MAN1C1: variants seen among roughly 807,000 people sequenced by gnomAD.
MAN1C1 encodes mannosyl-oligosaccharide 1,2-alpha-mannosidase IC.
Under a neutral mutation model 71.5 loss-of-function variants are expected in MAN1C1, and 49 were observed. The observed-to-expected ratio is 0.69, with a 90% CI of 0.54 to 0.87. The LOEUF (loss-of-function observed/expected upper bound fraction) is 0.87. Among genes scored for constraint, MAN1C1 ranks in the 40% least tolerant of loss-of-function variants. The pLI, the probability that MAN1C1 is intolerant of heterozygous loss-of-function variation, is 0.00. For synonymous variants in MAN1C1, 352 were observed against 343.7 expected (o/e 1.02, Z -0.27); for missense variants, 743 against 835.0 (o/e 0.89, Z 1.36).
At chr1:25,694,130 C>T (rs1319714087) in intron 2 of MAN1C1, among the ~76,000 whole-genome samples, 1 of 152,320 alleles carries the variant, frequency 6.6e-6, no homozygotes, top group Non-Finnish European at 1.5e-5. Flanking sequence ...TCATGTCCTT[C>T]GGCCTGGGTT....
At chr1:25,628,656 A>G (rs1030060186) in intron 1 of MAN1C1, among the ~76,000 whole-genome samples, 2 of 152,168 alleles carry the variant, frequency 1.3e-5, no homozygotes, top group Non-Finnish European at 2.9e-5. Flanking sequence ...CTTTGGTTAC[A>G]TGGATGAATT....
At chr1:25,748,420 C>G (rs2047167305) in intron 3 of MAN1C1, among the ~76,000 whole-genome samples, 3 of 152,304 alleles carry the variant, frequency 2.0e-5, no homozygotes, top group East Asian at 3.9e-4. Flanking sequence ...TGAGGGAACC[C>G]TCTGGGGCAA....
chr1:25,754,206 C>T (rs772743079), intron 5 of MAN1C1, among the ~76,000 whole-genome samples: 2 of 152,188 alleles, frequency 1.3e-5, no homozygotes, highest in Non-Finnish European at 2.9e-5. Context: ...ACAATCCCGA[C>T]GCTAGGAAGG....
chr1:25,651,987 C>T (rs2045699462), intron 1 of MAN1C1, among the ~76,000 whole-genome samples: 1 of 152,208 alleles, frequency 6.6e-6, no homozygotes, highest in African/African-American at 2.4e-5. Flanking sequence ...CTGGCCTGAG[C>T]AGGGATGGTG....
At chr1:25,704,417 C>T (rs986078550) in intron 2 of MAN1C1, among the ~76,000 whole-genome samples, 1 of 152,256 alleles carries the variant, frequency 6.6e-6, no homozygotes, top group African/African-American at 2.4e-5. Flanking sequence ...CAATCCCAGA[C>T]AGCAGGACCA....
chr1:25,760,677 A>G (rs909886610), intron 6 of MAN1C1: 2 of 152,202 alleles, frequency 1.3e-5, no homozygotes, highest in African/African-American at 4.8e-5. Context: ...AAGTGCTGTC[A>G]CCTGGAAAGG....
intron 1 of MAN1C1, among the ~76,000 whole-genome samples, chr1:25,627,823 A>G (rs1220314626): frequency 2.6e-5 from 4 of 151,668 alleles, no homozygotes; most frequent in Non-Finnish European, 5.9e-5. Flanking sequence ...GATTGAGCCC[A>G]GGAGTTCCAG....
At chr1:25,620,467 T>C (rs1233128915) in intron 1 of MAN1C1, among the ~76,000 whole-genome samples, 1 of 152,220 alleles carries the variant, frequency 6.6e-6, no homozygotes, top group Non-Finnish European at 1.5e-5. Context: ...TTGGTTTAGT[T>C]GTTAACAGTT....
chr1:25,648,201 G>A (rs2045642860), intron 1 of MAN1C1, among the ~76,000 whole-genome samples: 1 of 152,234 alleles, frequency 6.6e-6, no homozygotes, highest in African/African-American at 2.4e-5. Flanking sequence ...CCTCCTGGAA[G>A]CATCTGCTCA....
chr1:25,778,165 C>T lies in MAN1C1; in HGVS notation c.1318C>T (p.Arg440Ter). 1.2e-6 allele frequency: 2 copies of T among 1,608,380 alleles called. No individual in the cohort carries two copies. Reference sequence around the variant, plus strand: ...GGGGCTGACCTACATTGCCGAGTGGCGAGGGGGGATTCTGGACCACAAGAT... The same window carrying T: ...GGGGCTGACCTACATTGCCGAGTGGTGAGGGGGGATTCTGGACCACAAGAT... ...PGGLTYIAEW[R>*]GGILDHKMGH... Residue 440 changes from arginine (R) to a stop codon, truncating the protein, a stop_gained, in exon 9 of 12, where the codon CGA becomes TGA. Transcript: ENST00000374332. LOFTEE classifies it high-confidence loss of function. This position sits in a 1 kb window ranked among gnomAD's most constrained non-coding sequence, Gnocchi z 5.5.
chr1:25,708,161 A>C (rs2046551061), intron 2 of MAN1C1, among the ~76,000 whole-genome samples: 1 of 152,244 alleles, frequency 6.6e-6, no homozygotes. Context: ...TGCTTGACTG[A>C]ATATACTTAC....
At chr1:25,731,089 G>A (rs2046902732) in intron 2 of MAN1C1, among the ~76,000 whole-genome samples, 1 of 152,198 alleles carries the variant, frequency 6.6e-6, no homozygotes, top group African/African-American at 2.4e-5. Flanking sequence ...GGTCGAGGTG[G>A]ACAGACCGCC....
rs545316734 is a variant in MAN1C1, at chr1:25,653,589, G to A, written c.541-32851G>A. On this transcript the variant is annotated intron_variant, in intron 1 of 11. Coordinates refer to ENST00000374332, the MANE Select transcript of MAN1C1 (RefSeq NM_020379.4). Reference sequence around the variant, plus strand: ...TTCCCTGATTTTTCTGAATGTTCTCGGACCTAGTAGGTATCAGTGTCCAGG... The same window carrying A: ...TTCCCTGATTTTTCTGAATGTTCTCAGACCTAGTAGGTATCAGTGTCCAGG... Among the ~76,000 whole-genome samples, 18 of 152,250 alleles carry A rather than the reference G, an allele frequency of 1.2e-4. No homozygotes were observed. In the South Asian group the frequency reaches 2.1e-3, roughly 18 times the overall value.
intron 1 of MAN1C1, among the ~76,000 whole-genome samples, chr1:25,666,716 A>T (rs1016251023): frequency 4.6e-5 from 7 of 152,206 alleles, no homozygotes; most frequent in Non-Finnish European, 8.8e-5. Flanking sequence ...TTCCTCCTTT[A>T]TACAAAACAT....
intron 4 of MAN1C1, among the ~76,000 whole-genome samples, chr1:25,750,370 G>A (rs908572876): frequency 6.6e-6 from 1 of 152,166 alleles, no homozygotes; most frequent in African/African-American, 2.4e-5. Context: ...TCATTGGTCA[G>A]TTCTGTTCCC....
intron 2 of MAN1C1, among the ~76,000 whole-genome samples, chr1:25,702,217 A>C (rs1009085952): frequency 3.9e-5 from 6 of 152,100 alleles, no homozygotes; most frequent in Non-Finnish European, 8.8e-5. Context: ...GAACTTGAGC[A>C]CCCAGATGGA....
rs373340623 is a variant in MAN1C1, at chr1:25,753,023, C to T, written c.835-461C>T. Among the ~76,000 whole-genome samples, 3 of 152,308 alleles carry T rather than the reference C, an allele frequency of 2.0e-5. No homozygotes were observed. In the East Asian group the frequency reaches 5.8e-4, roughly 29 times the overall value. On this transcript the variant is annotated intron_variant, in intron 4 of 11. Transcript: ENST00000374332. The surrounding 1 kb of genome is among the most constrained non-coding windows in gnomAD (Gnocchi z 4.9). ...TTCCCATGCCCTCTGCCTGTGGTAT[C>T]GTAGTCCTGCAGTGTGGGCAGGCAT...
intron 1 of MAN1C1, among the ~76,000 whole-genome samples, chr1:25,668,296 A>G (rs1007690124): frequency 6.7e-6 from 1 of 148,174 alleles, no homozygotes; most frequent in African/African-American, 2.5e-5. Context: ...ACTTTCCTTC[A>G]CGGTGCTTGT....
chr1:25,636,989 T>C (rs2045470985), intron 1 of MAN1C1, among the ~76,000 whole-genome samples: 1 of 151,876 alleles, frequency 6.6e-6, no homozygotes, highest in African/African-American at 2.4e-5. Context: ...ACCCCATCTC[T>C]ACTAAAAATA....
Sources: gnomAD v4.1 joint callset for allele counts (sites outside exome capture counted in the v4.1 genomes callset) on GRCh38, gnomAD v4.1.1 for gene constraint, Gnocchi (gnomAD v3.1) non-coding constraint, MANE v1.5 for transcripts, NCBI Gene and HGNC (gene_info 2026-07-23, HGNC 2026-07-21) for gene names.